COL18A1: variants seen among roughly 807,000 people sequenced by gnomAD.
COL18A1 encodes collagen alpha-1(XVIII) chain.
A neutral mutation model predicts 168.0 loss-of-function variants in COL18A1; 133 were observed. That is an observed-to-expected ratio of 0.79 (90% CI 0.69 to 0.91). The LOEUF (loss-of-function observed/expected upper bound fraction) is 0.91, where lower values mean the gene tolerates loss of function less well. Ranked by LOEUF, COL18A1 falls within the 40% of genes least tolerant of loss-of-function variation. The pLI is 0.00. For missense variants in COL18A1, 2,126 were observed against 1,925.4 expected (o/e 1.10, Z -1.95); for synonymous variants, 949 against 809.0 (o/e 1.17, Z -2.94).
chr21:45,482,725 GC>G (rs902630683), intron 14 of COL18A1, 69 bp from the exon 15 acceptor site: 15 of 1,612,196 alleles, frequency 9.3e-6, no homozygotes, highest in Admixed American at 1.7e-5. Context: ...TCCTGGCAGG[GC>G]GATGTGCCTT....
Position 45,498,294 on chromosome 21 carries a change from G to A in COL18A1, c.2683+633G>A, listed in dbSNP as rs2036610911. The A allele has an allele frequency of 1.4e-6, 1 of 705,708 alleles. No individual in the cohort carries two copies. The highest frequency in any genetic ancestry group is 1.8e-5 in the African/African-American group (1 of 56,558). 43.7% of individuals were successfully genotyped at this position (705,708 alleles called of 1,614,324 possible). ...TAGCCTCGGGCGCCTTTCACCACCA[G>A]GGTCCCCTCTCGCCGCCACGGTCCC... On this transcript the variant is annotated intron_variant, in intron 32 of 41. Coordinates refer to ENST00000651438, the MANE Select transcript of COL18A1 (RefSeq NM_001379500.1). The surrounding 1 kb of genome is among the most constrained non-coding windows in gnomAD (Gnocchi z 4.5).
rs1259392409 is a variant in COL18A1, at chr21:45,498,049, T to C, written c.2683+388T>C. On this transcript the variant is annotated intron_variant, in intron 32 of 41. Transcript: ENST00000651438. This position sits in a 1 kb window ranked among gnomAD's most constrained non-coding sequence, Gnocchi z 4.5. ...TCGAGAAACTCTCCAGGGTTTCATG[T>C]GGGAAGGAGGCGTTGCCCGACAGGC... 1.3e-5 allele frequency among the ~76,000 whole-genome samples: 2 copies of C among 152,048 alleles called. No individual in the cohort carries two copies. Among genetic ancestry groups the C allele is most frequent in the Non-Finnish European group, 2.9e-5 (2 of 67,994 alleles).
chr21:45,432,214 C>T (rs1039527567), intron 2 of COL18A1, among the ~76,000 whole-genome samples: 1 of 151,518 alleles, frequency 6.6e-6, no homozygotes, highest in Non-Finnish European at 1.5e-5. Flanking sequence ...CAGGTGCCCT[C>T]ATGGGGGGTC....
chr21:45,417,399 T>C (rs2033478181), intron 2 of COL18A1, among the ~76,000 whole-genome samples: 1 of 152,240 alleles, frequency 6.6e-6, no homozygotes, highest in Non-Finnish European at 1.5e-5. Flanking sequence ...GCCTGCCTGC[T>C]GTGCAGGGAT....
At chr21:45,448,746 A>G (rs1256970552) in intron 2 of COL18A1, among the ~76,000 whole-genome samples, 1 of 152,122 alleles carries the variant, frequency 6.6e-6, no homozygotes, top group South Asian at 2.1e-4. Context: ...TGCGCTCCAT[A>G]ATGTCCTTTG....
chr21:45,461,632 C>A (rs372853232), intron 2 of COL18A1, among the ~76,000 whole-genome samples: 2 of 152,206 alleles, frequency 1.3e-5, no homozygotes, highest in Non-Finnish European at 2.9e-5. Context: ...GTGGCACACA[C>A]GCATATTTGT....
At chr21:45,509,016 G>A (rs2037413760) in intron 38 of COL18A1, among the ~76,000 whole-genome samples, 1 of 152,126 alleles carries the variant, frequency 6.6e-6, no homozygotes, top group Admixed American at 6.5e-5. Context: ...GAGATTAGAA[G>A]GTCGAAGGTC....
Position 45,506,131 on chromosome 21 carries a change from G to A in COL18A1, c.3216+165G>A, listed in dbSNP as rs1268668186. ...TGGTAAAGTTTAGTAAAATACTTTTGTGAGCAGTTTTGGGTTTAAAGAAAA... is the reference window on the plus strand; with the variant it reads ...TGGTAAAGTTTAGTAAAATACTTTTATGAGCAGTTTTGGGTTTAAAGAAAA... On this transcript the variant is annotated intron_variant, in intron 37 of 41. Transcript: ENST00000651438. 5 of 1,116,014 alleles carry A rather than the reference G, an allele frequency of 4.5e-6. No individual in the cohort carries two copies. The African/African-American group carries it at 4.7e-5, about 10-fold the overall frequency. The allele number at this position is 1,116,014 out of a possible 1,614,324, so 69.1% of individuals were successfully genotyped here. A position where few individuals can be genotyped will look rare whatever the true frequency, so the allele number is the denominator to read the frequency against.
At position 45,510,281 on chromosome 21, in the gene COL18A1, AG is replaced by A; in HGVS notation, c.3693+23del. ...CTCAAGGTGGGTCAGTCCAGTCCTGAGGGCGCGGGCTCCTCGGCCCCCACTT... is the reference window on the plus strand; with the variant it reads ...CTCAAGGTGGGTCAGTCCAGTCCTGAGGCGCGGGCTCCTCGGCCCCCACTT... On this transcript the variant is annotated intron_variant, in intron 40 of 41. Coordinates refer to ENST00000651438, the MANE Select transcript of COL18A1 (RefSeq NM_001379500.1). 1 of 1,585,460 alleles carries A rather than the reference AG, an allele frequency of 6.3e-7. No individual in the cohort carries two copies. Among genetic ancestry groups the A allele is most frequent in the Non-Finnish European group, 8.6e-7 (1 of 1,166,858 alleles).
intron 2 of COL18A1, chr21:45,420,222 T>C (rs2033577422): frequency 6.6e-6 from 1 of 152,142 alleles, no homozygotes; most frequent in South Asian, 2.1e-4. Context: ...GCAGCAGAAG[T>C]CTGTGCTTGG....
At chr21:45,492,741 G>GCGGCCCGCCA in intron 24 of COL18A1, 28 bp downstream of exon 24, 21 of 1,055,764 alleles carry the variant, frequency 2.0e-5, no homozygotes, top group Non-Finnish European at 2.4e-5. Context: ...AGAGCTGCAT[G>GCGGCCCGCCA]CTGCCCGGCT....
At chr21:45,444,132 G>A (rs991950853) in intron 2 of COL18A1, among the ~76,000 whole-genome samples, 1 of 152,200 alleles carries the variant, frequency 6.6e-6, no homozygotes, top group Non-Finnish European at 1.5e-5. Flanking sequence ...TCGTCCCGTG[G>A]CGTCCTCTAC....
chr21:45,501,698 C>T lies in COL18A1; in HGVS notation c.2684-2313C>T, dbSNP rs13049939. Among the ~76,000 whole-genome samples, 1,266 of 133,616 alleles carry T rather than the reference C, an allele frequency of 9.5e-3. 2 individuals are homozygous for T. The highest frequency in any genetic ancestry group is 0.012 in the South Asian group (52 of 4,224). The allele number at this position is 133,616 out of a possible 152,430, so 87.7% of individuals were successfully genotyped here. A position where few individuals can be genotyped will look rare whatever the true frequency, so the allele number is the denominator to read the frequency against. On this transcript the variant is annotated intron_variant, in intron 32 of 41. Coordinates refer to ENST00000651438, the MANE Select transcript of COL18A1 (RefSeq NM_001379500.1). ...CTCTGCAGAAGGACCCCCAGGGGCTCCACAGCCGGTCACCTCCCTCTGCAG... is the reference window on the plus strand; with the variant it reads ...CTCTGCAGAAGGACCCCCAGGGGCTTCACAGCCGGTCACCTCCCTCTGCAG...
chr21:45,478,185 CT>C, intron 8 of COL18A1, 141 bp from the exon 9 acceptor site: 1 of 1,109,278 alleles, frequency 9.0e-7, no homozygotes, highest in Non-Finnish European at 1.4e-6. Flanking sequence ...GAGGAGGCTC[CT>C]GGCGCGGGTG....
chr21:45,487,171 G>A lies in COL18A1; in HGVS notation c.1833+179G>A, dbSNP rs533587892. ...GGCTCGAGTCTCTCGCCCGTCGCCC[G>A]TGCCCCACGGTGCTGATGGGGATCT... On this transcript the variant is annotated intron_variant, in intron 16 of 41. Transcript: ENST00000651438. Among the ~76,000 whole-genome samples the A allele has an allele frequency of 3.3e-4, 50 of 152,314 alleles. No homozygotes were observed. In the East Asian group the frequency reaches 8.1e-3, roughly 25 times the overall value.
At chr21:45,511,052 ACC>A in intron 40 of COL18A1, 57 bp from the exon 41 acceptor site, 1 of 513,432 alleles carries the variant, frequency 1.9e-6, no homozygotes, top group African/African-American at 3.4e-5. Context: ...CCCCACAAAC[ACC>A]CACACCCATC....
chr21:45,461,542 C>A (rs994569253), intron 2 of COL18A1, among the ~76,000 whole-genome samples: 2 of 152,190 alleles, frequency 1.3e-5, no homozygotes, highest in African/African-American at 4.8e-5. Context: ...CTTCCTTGTC[C>A]TGCATCTGCT....
intron 29 of COL18A1, 79 bp from the exon 30 acceptor site, chr21:45,496,421 T>C (rs1430540401): frequency 1.3e-6 from 1 of 796,880 alleles, no homozygotes; most frequent in East Asian, 2.4e-5. Context: ...ATTTTTCTGA[T>C]TTTTCTGAAC....
chr21:45,494,642 G>C, intron 27 of COL18A1, 71 bp downstream of exon 27: 1 of 1,603,078 alleles, frequency 6.2e-7, no homozygotes, highest in East Asian at 2.2e-5. Context: ...GTCGCCCGCG[G>C]CTGCTGAGCT....
Sources: allele counts gnomAD v4.1 joint callset (sites outside exome capture counted in the v4.1 genomes callset), GRCh38; gene constraint gnomAD v4.1.1; non-coding constraint Gnocchi (gnomAD v3.1); transcripts MANE v1.5; gene names NCBI Gene and HGNC (gene_info 2026-07-23, HGNC 2026-07-21).